Variants in ACP7 observed in about 807,000 individuals in gnomAD.
ACP7 encodes acid phosphatase 7, tartrate resistant (putative).
Under a neutral mutation model 60.6 loss-of-function variants are expected in ACP7, and 58 were observed. The observed-to-expected ratio is 0.96, with a 90% CI of 0.77 to 1.19. ACP7 has a LOEUF of 1.19. ACP7 is among the 50% of genes most tolerant of loss of function. ACP7 has a pLI of 0.00. For missense variants in ACP7, 574 were observed against 596.2 expected (o/e 0.96, Z 0.39); for synonymous variants, 237 against 232.6 (o/e 1.02, Z -0.17).
chr19:39,106,299 C>T (rs1438014368), intron 11 of ACP7, among the ~76,000 whole-genome samples: 1 of 152,132 alleles, frequency 6.6e-6, no homozygotes, highest in Non-Finnish European at 1.5e-5. Context: ...TCTTGGCCAT[C>T]TTTCTGTATC....
At chr19:39,108,687 G>A (rs2073437632) in intron 12 of ACP7, among the ~76,000 whole-genome samples, 1 of 152,038 alleles carries the variant, frequency 6.6e-6, no homozygotes, top group South Asian at 2.1e-4. Flanking sequence ...AAGGTTAGGT[G>A]GATCCAAATA....
intron 11 of ACP7, 39 bp downstream of exon 11, chr19:39,101,576 T>C: frequency 6.3e-7 from 1 of 1,586,354 alleles, no homozygotes; most frequent in Non-Finnish European, 8.6e-7. Flanking sequence ...TCTCTCTCTA[T>C]TCCTATCTAT....
intron 2 of ACP7, among the ~76,000 whole-genome samples, chr19:39,086,627 C>A (rs2073144260): frequency 1.1e-5 from 1 of 93,590 alleles, no homozygotes; most frequent in South Asian, 3.9e-4. Flanking sequence ...GAGGCCCTGT[C>A]TCAAAAAAAA....
Position 39,110,400 on chromosome 19 carries a change from G to A in ACP7, c.*282G>A, listed in dbSNP as rs569181039. 2.2e-5 allele frequency: 9 copies of A among 400,926 alleles called. No individual in the cohort carries two copies. The highest frequency in any genetic ancestry group is 1.0e-4 in the African/African-American group (5 of 49,208). The allele number at this position is 400,926 out of a possible 1,614,324, so 24.8% of individuals were successfully genotyped here. A position where few individuals can be genotyped will look rare whatever the true frequency, so the allele number is the denominator to read the frequency against. Reference sequence around the variant, plus strand: ...CCCACCCTCCTGCATAGCTCTGATCGGGCGAGGTGCCCACGGGGCTTCAGG... The same window carrying A: ...CCCACCCTCCTGCATAGCTCTGATCAGGCGAGGTGCCCACGGGGCTTCAGG... On this transcript the variant is annotated 3_prime_UTR_variant, in exon 13 of 13. Transcript: ENST00000331256.
rs765032439 is a variant in ACP7, at chr19:39,100,768, CCTT to C, written c.725_727del (p.Phe242del). 9 of 1,614,080 alleles carry C rather than the reference CCTT, an allele frequency of 5.6e-6. No homozygotes were observed. Among genetic ancestry groups the C allele is most frequent in the Non-Finnish European group, 7.6e-6 (9 of 1,180,004 alleles). On this transcript the variant is annotated inframe_deletion, in exon 7 of 13. Coordinates refer to ENST00000331256, the MANE Select transcript of ACP7 (RefSeq NM_001004318.3). ...GATCTGGGTCCCGCCCACATCATCTCCTTCTCCACCGAGGTCTATTTCTTTCTC... is the reference window on the plus strand; with the variant it reads ...GATCTGGGTCCCGCCCACATCATCTCCTCCACCGAGGTCTATTTCTTTCTC...
intron 11 of ACP7, among the ~76,000 whole-genome samples, chr19:39,103,502 G>A (rs1014890449): frequency 7.4e-6 from 1 of 135,870 alleles, no homozygotes; most frequent in Non-Finnish European, 1.5e-5. Flanking sequence ...TCCATGGAGC[G>A]AGGCTTAGTT....
At chr19:39,089,960 T>C (rs2073185726) in intron 2 of ACP7, among the ~76,000 whole-genome samples, 1 of 152,196 alleles carries the variant, frequency 6.6e-6, no homozygotes, top group Non-Finnish European at 1.5e-5. Flanking sequence ...CTTCCCTTTG[T>C]AGTTAATAAA....
intron 2 of ACP7, among the ~76,000 whole-genome samples, chr19:39,095,466 C>T (rs183678647): frequency 1.3e-5 from 2 of 152,366 alleles, no homozygotes; most frequent in East Asian, 1.9e-4. Flanking sequence ...CTCACTGATG[C>T]AAGAGGTGGG....
intron 11 of ACP7, among the ~76,000 whole-genome samples, chr19:39,104,117 T>A (rs939087630): frequency 9.3e-5 from 14 of 151,254 alleles, no homozygotes; most frequent in Admixed American, 2.0e-4. Context: ...TATGTATACA[T>A]ATATATAAAA....
chr19:39,095,726 A>T (rs1200689862), intron 2 of ACP7, among the ~76,000 whole-genome samples: 8 of 152,208 alleles, frequency 5.3e-5, no homozygotes, highest in Non-Finnish European at 1.0e-4. Flanking sequence ...GCCCTAGCAG[A>T]GGTTCTCCAT....
chr19:39,089,604 G>A (rs933755687), intron 2 of ACP7, among the ~76,000 whole-genome samples: 1 of 152,038 alleles, frequency 6.6e-6, no homozygotes, highest in African/African-American at 2.4e-5. Context: ...TCCAGAATCC[G>A]ATCCAGGATC....
intron 2 of ACP7, among the ~76,000 whole-genome samples, chr19:39,096,219 C>A (rs772008167): frequency 6.6e-6 from 1 of 152,176 alleles, no homozygotes; most frequent in Non-Finnish European, 1.5e-5. Context: ...ATTTTCTGAA[C>A]TTTTATGCTC....
Position 39,101,358 on chromosome 19 carries a change from G to A in ACP7, c.1041+3G>A, listed in dbSNP as rs370833047. 49 of 1,614,080 alleles carry A rather than the reference G, an allele frequency of 3.0e-5. No homozygotes were observed. In the African/African-American group the frequency reaches 6.0e-4, roughly 20 times the overall value. On this transcript the variant is annotated splice_donor_region_variant and intron_variant, in intron 10 of 12. Transcript: ENST00000331256. ...TGTGGCCAATTTACAACTACCAGGT[G>A]AGGCACGTGAAGGGCTGAGCGCCCA... is the stretch of plus-strand genomic sequence containing the variant.
intron 12 of ACP7, 99 bp from the exon 13 acceptor site, chr19:39,109,954 G>T: frequency 8.2e-7 from 1 of 1,216,388 alleles, no homozygotes; most frequent in Non-Finnish European, 1.2e-6. Context: ...GGGTTGTACA[G>T]CCCATCAGAG....
At position 39,100,820 on chromosome 19, in the gene ACP7, G is replaced by A. The variant is rs757381723; in HGVS notation, c.774G>A (p.Gln258=). 3 of 1,613,972 alleles carry A rather than the reference G, an allele frequency of 1.9e-6. No homozygotes were observed. In the South Asian group the frequency reaches 3.3e-5, roughly 18 times the overall value. Residue 258 remains glutamine (Q), a synonymous_variant, in exon 7 of 13, where the codon CAG becomes CAA. Transcript: ENST00000331256. ...TCCATTATGGCCGCCACTTGGTACA[G>A]AGGCAGTTTCGCTGGCTGGAGAGCG... The part of the protein sequence containing the change: ...FFLHYGRHLV[Q]RQFRWLESDL...
rs574929332 is a variant in ACP7 at position 39,101,988 on chromosome 19, T to C, written c.1113+451T>C. 3.3e-5 allele frequency among the ~76,000 whole-genome samples: 5 copies of C among 150,534 alleles called. No homozygotes were observed. The East Asian group carries it at 9.7e-4, about 29-fold the overall frequency. ...AAAAGAAATTAGCTGGGCGAGGTGG[T>C]GCTTGCTTGTAATTTTAGCTATTCA... On this transcript the variant is annotated intron_variant, in intron 11 of 12. Coordinates refer to ENST00000331256, the MANE Select transcript of ACP7 (RefSeq NM_001004318.3).
chr19:39,088,966 G>A (rs2073175208), intron 2 of ACP7, among the ~76,000 whole-genome samples: 1 of 150,326 alleles, frequency 6.7e-6, no homozygotes, highest in Non-Finnish European at 1.5e-5. Context: ...GTCTCACTCT[G>A]TTGCCCAGGC....
chr19:39,110,084 T>G lies in ACP7; in HGVS notation c.1283T>G (p.Val428Gly). 1 of 1,613,936 alleles carries G rather than the reference T, an allele frequency of 6.2e-7. No homozygotes were observed. Among genetic ancestry groups the G allele is most frequent in the Non-Finnish European group, 8.5e-7 (1 of 1,179,834 alleles). Residue 428 changes from valine to glycine, a missense_variant, in exon 13 of 13, where the codon GTG becomes GGG. Transcript: ENST00000331256. ...AAGATCGTAGATGATGTCTGGGTGGTGAGACCCCTGTTTGGCCGGAGGATG... is the reference window on the plus strand; with the variant it reads ...AAGATCGTAGATGATGTCTGGGTGGGGAGACCCCTGTTTGGCCGGAGGATG... Reference protein sequence around the residue: ...DGKIVDDVWVVRPLFGRRMYL With the variant: ...DGKIVDDVWVGRPLFGRRMYL
rs936791213 is a variant in ACP7 at position 39,100,631 on chromosome 19, C to T, written c.681C>T (p.Gly227=). The change falls in exon 6 of 13, where the codon GGC becomes GGT. Residue 227 remains glycine, a synonymous_variant. Transcript: ENST00000331256. ...TCAGCATGCCGGGGGATAATGAGGG[C>T]CTGTGGTACAGGTAATGTGGGGGTG... ...ARFSMPGDNE[G]LWYSWDLGPA... The T allele has an allele frequency of 2.5e-6, 4 of 1,613,888 alleles. No homozygotes were observed. In the Admixed American group the frequency reaches 5.0e-5, roughly 20 times the overall value.
Sources: allele counts gnomAD v4.1 joint callset (sites outside exome capture counted in the v4.1 genomes callset), GRCh38; gene constraint gnomAD v4.1.1; transcripts MANE v1.5; gene names NCBI Gene and HGNC (gene_info 2026-07-23, HGNC 2026-07-21).